The following SPIDR variants were observed in gnomAD, a reference collection of about 807,000 sequenced individuals.
The protein encoded by SPIDR is scaffold protein involved in DNA repair.
Under a neutral mutation model 104.6 loss-of-function variants are expected in SPIDR, and 93 were observed. The ratio of observed to expected loss-of-function variants is 0.89; its 90% CI spans 0.75 to 1.06. SPIDR has a LOEUF of 1.06. SPIDR is among the 50% of genes least tolerant of loss of function. The pLI is 0.00. For synonymous variants in SPIDR, 431 were observed against 416.9 expected (o/e 1.03, Z -0.41); for missense variants, 1,154 against 1,111.2 (o/e 1.04, Z -0.55).
intron 6 of SPIDR, among the ~76,000 whole-genome samples, chr8:47,398,816 G>A (rs2154314613): frequency 6.6e-6 from 1 of 152,238 alleles, no homozygotes; most frequent in South Asian, 2.1e-4. Context: ...GCCAAAGTTG[G>A]GGTGTGGAGG....
intron 18 of SPIDR, 126 bp from the exon 19 acceptor site, chr8:47,729,286 G>A (rs1257836500): frequency 2.3e-5 from 33 of 1,452,160 alleles, no homozygotes; most frequent in East Asian, 7.5e-5. Context: ...ACCTAAGGCC[G>A]TGAGACTGAA....
intron 8 of SPIDR, among the ~76,000 whole-genome samples, chr8:47,488,185 A>T (rs1586569834): frequency 6.6e-6 from 1 of 152,244 alleles, no homozygotes; most frequent in East Asian, 1.9e-4. Context: ...CACCGGTCCC[A>T]CAGAAATGCA....
intron 5 of SPIDR, among the ~76,000 whole-genome samples, chr8:47,357,092 T>C (rs2054698381): frequency 6.6e-6 from 1 of 152,244 alleles, no homozygotes; most frequent in East Asian, 1.9e-4. Context: ...CATTGTGTTC[T>C]ACTAGTCAGT....
At chr8:47,715,783 A>G (rs1322883028) in intron 16 of SPIDR, among the ~76,000 whole-genome samples, 1 of 152,156 alleles carries the variant, frequency 6.6e-6, no homozygotes, top group Admixed American at 6.5e-5. Flanking sequence ...GCTACTACGA[A>G]TAAAGCTGCT....
chr8:47,674,717 A>G (rs961810976), intron 11 of SPIDR, among the ~76,000 whole-genome samples: 2 of 152,222 alleles, frequency 1.3e-5, no homozygotes, highest in African/African-American at 4.8e-5. Flanking sequence ...CTTTTGGAAC[A>G]TTTATTGATA....
intron 8 of SPIDR, among the ~76,000 whole-genome samples, chr8:47,503,526 G>A (rs771164926): frequency 2.7e-5 from 4 of 150,830 alleles, no homozygotes; most frequent in Non-Finnish European, 4.4e-5. Context: ...GAGCCTATGT[G>A]TGTCTCTGCA....
chr8:47,583,999 G>T (rs2060011033), intron 8 of SPIDR, among the ~76,000 whole-genome samples: 1 of 152,180 alleles, frequency 6.6e-6, no homozygotes, highest in African/African-American at 2.4e-5. Flanking sequence ...GTCACAAGTG[G>T]TCATTAAAGG....
intron 10 of SPIDR, among the ~76,000 whole-genome samples, chr8:47,612,252 A>G (rs1278517346): frequency 6.6e-6 from 1 of 152,214 alleles, no homozygotes; most frequent in East Asian, 1.9e-4. Flanking sequence ...GCACACAGGT[A>G]AGTTAAATAG....
intron 1 of SPIDR, among the ~76,000 whole-genome samples, chr8:47,272,823 C>A (rs1476874610): frequency 6.6e-6 from 1 of 152,162 alleles, no homozygotes; most frequent in Non-Finnish European, 1.5e-5. Flanking sequence ...GGATTATAGG[C>A]ATGAGCCACC....
intron 8 of SPIDR, among the ~76,000 whole-genome samples, chr8:47,573,623 T>C (rs1005131536): frequency 1.3e-5 from 2 of 152,234 alleles, no homozygotes; most frequent in African/African-American, 4.8e-5. Context: ...GGAGGCTTCA[T>C]TCCTGCCCCG....
At chr8:47,554,032 C>G (rs2090970055) in intron 8 of SPIDR, among the ~76,000 whole-genome samples, 1 of 152,160 alleles carries the variant, frequency 6.6e-6, no homozygotes, top group African/African-American at 2.4e-5. Context: ...ACCCTATTTG[C>G]CTTGGTATCA....
intron 8 of SPIDR, among the ~76,000 whole-genome samples, chr8:47,518,492 T>C (rs929396918): frequency 2.0e-5 from 3 of 152,192 alleles, no homozygotes; most frequent in African/African-American, 4.8e-5. Flanking sequence ...AGAAATGTTA[T>C]GGTGGTCCCA....
At chr8:47,433,203 C>T (rs1340273732) in intron 7 of SPIDR, among the ~76,000 whole-genome samples, 2 of 152,138 alleles carry the variant, frequency 1.3e-5, no homozygotes, top group Non-Finnish European at 2.9e-5. Context: ...TATCTAGAAT[C>T]TGAGCATTTC....
intron 11 of SPIDR, among the ~76,000 whole-genome samples, chr8:47,698,569 T>C (rs1288089023): frequency 6.6e-6 from 1 of 152,228 alleles, no homozygotes; most frequent in African/African-American, 2.4e-5. Flanking sequence ...GTGCATTAAA[T>C]AAATGTATAA....
At chr8:47,405,887 C>G (rs1351836744) in intron 6 of SPIDR, among the ~76,000 whole-genome samples, 1 of 152,164 alleles carries the variant, frequency 6.6e-6, no homozygotes, top group African/African-American at 2.4e-5. Context: ...GTGCATGTGA[C>G]TGGAATTCCC....
At chr8:47,600,061 C>T (rs1278135033) in intron 10 of SPIDR, among the ~76,000 whole-genome samples, 1 of 152,164 alleles carries the variant, frequency 6.6e-6, no homozygotes, top group African/African-American at 2.4e-5. Flanking sequence ...CCCAGTCTGG[C>T]ATAGCCTTTT....
intron 8 of SPIDR, among the ~76,000 whole-genome samples, chr8:47,564,525 A>T (rs1419776846): frequency 6.6e-6 from 1 of 152,066 alleles, no homozygotes; most frequent in Non-Finnish European, 1.5e-5. Context: ...ACTACCAATT[A>T]AAAAATTAGC....
chr8:47,509,867 G>A (rs1046209937), intron 8 of SPIDR, among the ~76,000 whole-genome samples: 1 of 151,906 alleles, frequency 6.6e-6, no homozygotes, highest in Non-Finnish European at 1.5e-5. Flanking sequence ...TCACACATAC[G>A]TGACACACAC....
At chr8:47,385,238 T>TG (rs1466945434) in intron 5 of SPIDR, among the ~76,000 whole-genome samples, 1 of 152,158 alleles carries the variant, frequency 6.6e-6, no homozygotes, top group African/African-American at 2.4e-5. Flanking sequence ...TCTTCTGTAT[T>TG]TTTTTGTTTT....
Sources: gnomAD v4.1 joint callset for allele counts (sites outside exome capture counted in the v4.1 genomes callset) on GRCh38, gnomAD v4.1.1 for gene constraint, MANE v1.5 for transcripts, NCBI Gene and HGNC (gene_info 2026-07-23, HGNC 2026-07-21) for gene names.